The following EPS15 variants were observed in gnomAD, a reference collection of about 807,000 sequenced individuals.
The protein encoded by EPS15 is epidermal growth factor receptor pathway substrate 15, also known as epidermal growth factor receptor substrate 15.
EPS15 carries 72 observed loss-of-function variants against 113.8 expected under a neutral mutation model. That is an observed-to-expected ratio of 0.63 (90% CI 0.52 to 0.77). The LOEUF (loss-of-function observed/expected upper bound fraction) is 0.77. Ranked by LOEUF, EPS15 falls within the 30% of genes least tolerant of loss-of-function variation. The pLI, the probability that EPS15 is intolerant of heterozygous loss-of-function variation, is 0.00. For missense variants in EPS15, 1,048 were observed against 1,045.8 expected (o/e 1.00, Z -0.03); for synonymous variants, 344 against 363.4 (o/e 0.95, Z 0.61).
intron 10 of EPS15, among the ~76,000 whole-genome samples, chr1:51,446,450 A>G (rs1439104167): frequency 2.1e-5 from 3 of 143,644 alleles, no homozygotes; most frequent in Non-Finnish European, 4.5e-5. Context: ...TGACACTGTC[A>G]TTCTTTTTTT....
At chr1:51,370,523 C>T (rs1399044704) in intron 21 of EPS15, among the ~76,000 whole-genome samples, 1 of 151,800 alleles carries the variant, frequency 6.6e-6, no homozygotes, top group African/African-American at 2.4e-5. Context: ...GATGCTCAAC[C>T]CGTATTTGAT....
chr1:51,363,068 T>C (rs778275138), intron 23 of EPS15, among the ~76,000 whole-genome samples: 7 of 151,852 alleles, frequency 4.6e-5, no homozygotes, highest in Admixed American at 2.0e-4. Flanking sequence ...GAGGCCGAGG[T>C]GGACAGATCA....
At position 51,492,095 on chromosome 1, in the gene EPS15, T is replaced by A. The variant is rs1259605919; in HGVS notation, c.34-10781A>T. 3.9e-5 allele frequency among the ~76,000 whole-genome samples: 6 copies of A among 152,048 alleles called. No individual in the cohort carries two copies. In the East Asian group the frequency reaches 1.2e-3, roughly 29 times the overall value. On this transcript the variant is annotated intron_variant, in intron 1 of 24. Coordinates refer to ENST00000371733, the MANE Select transcript of EPS15 (RefSeq NM_001981.3). ...AACTCCTGGATTTAAGTGATCCACC[T>A]GCCTCGGCCTCCCAAAGTGCTGAGA...
chr1:51,518,695 T>TG (rs1329485774), intron 1 of EPS15, among the ~76,000 whole-genome samples: 2 of 151,846 alleles, frequency 1.3e-5, no homozygotes, highest in African/African-American at 2.4e-5. Flanking sequence ...AAGACTGGCT[T>TG]GGGGGGCCTG....
chr1:51,389,696 G>C (rs1647204001), intron 21 of EPS15, among the ~76,000 whole-genome samples: 1 of 152,224 alleles, frequency 6.6e-6, no homozygotes, highest in Non-Finnish European at 1.5e-5. Context: ...GCCAAATCAT[G>C]AGTGAACTCT....
rs1238285070 is a variant in EPS15 at position 51,394,454 on chromosome 1, A to G, written c.2053-7T>C. On this transcript the variant is annotated splice_region_variant and splice_polypyrimidine_tract_variant and intron_variant, in intron 20 of 24. Coordinates refer to ENST00000371733, the MANE Select transcript of EPS15 (RefSeq NM_001981.3). ...TGTGCTTCAACGTTTCTACCTAAACAAAGCATACAAAACCATGAATGAGAG... is the reference window on the plus strand; with the variant it reads ...TGTGCTTCAACGTTTCTACCTAAACGAAGCATACAAAACCATGAATGAGAG... 1.3e-6 allele frequency: 2 copies of G among 1,589,494 alleles called. No homozygotes were observed. Among genetic ancestry groups the G allele is most frequent in the East Asian group, 2.2e-5 (1 of 44,496 alleles).
chr1:51,507,177 A>G (rs1644512601), intron 1 of EPS15, among the ~76,000 whole-genome samples: 3 of 152,246 alleles, frequency 2.0e-5, no homozygotes, highest in South Asian at 4.1e-4. Flanking sequence ...TATAATAAGT[A>G]CCACATATAA....
At chr1:51,516,887 G>A (rs1644728751) in intron 1 of EPS15, among the ~76,000 whole-genome samples, 1 of 152,190 alleles carries the variant, frequency 6.6e-6, no homozygotes, top group African/African-American at 2.4e-5. Context: ...ATGGGAGAAA[G>A]ATGGATTAAA....
At chr1:51,402,317 A>G (rs944020249) in intron 18 of EPS15, 118 bp downstream of exon 18, 1 of 536,210 alleles carries the variant, frequency 1.9e-6, no homozygotes, top group Non-Finnish European at 3.3e-6. Context: ...ACTGCACTCC[A>G]GCCTGGGCGA....
intron 10 of EPS15, among the ~76,000 whole-genome samples, chr1:51,445,890 C>T (rs1436991258): frequency 6.6e-6 from 1 of 152,148 alleles, no homozygotes; most frequent in East Asian, 1.9e-4. Context: ...GAATTAAAGA[C>T]AGGATATATA....
At chr1:51,362,162 TAAC>T (rs1186637528) in intron 23 of EPS15, among the ~76,000 whole-genome samples, 1 of 152,182 alleles carries the variant, frequency 6.6e-6, no homozygotes, top group Non-Finnish European at 1.5e-5. Flanking sequence ...ATAGCAATCA[TAAC>T]AACAGATTCC....
intron 21 of EPS15, among the ~76,000 whole-genome samples, chr1:51,391,045 C>T (rs1330926058): frequency 2.0e-5 from 3 of 151,996 alleles, no homozygotes; most frequent in African/African-American, 7.2e-5. Context: ...TTCACAATAG[C>T]AAAGACTTGG....
rs77738187 is a variant in EPS15 at position 51,464,142 on chromosome 1, G to T, written c.376-344C>A. 4.8e-3 allele frequency among the ~76,000 whole-genome samples: 735 copies of T among 152,128 alleles called. 5 individuals are homozygous for T. The highest frequency in any genetic ancestry group is 0.01 in the Middle Eastern group (3 of 294). On this transcript the variant is annotated intron_variant, in intron 6 of 24. Transcript: ENST00000371733. ...CTAGTCCAACCCTCTCACTTAAATA[G>T]ACCCAGAGCAAAAAAGTAACTTTTA...
At chr1:51,410,654 G>A (rs537233572) in intron 13 of EPS15, among the ~76,000 whole-genome samples, 1 of 152,278 alleles carries the variant, frequency 6.6e-6, no homozygotes, top group South Asian at 2.1e-4. Context: ...GTCAGCAGGA[G>A]GTAGGCAAAG....
intron 9 of EPS15, 101 bp downstream of exon 9, chr1:51,447,945 G>C (rs1557479343): frequency 6.7e-7 from 1 of 1,493,046 alleles, no homozygotes; most frequent in East Asian, 2.3e-5. Context: ...CTGTCTTAAT[G>C]GTGCTTTGGT....
intron 12 of EPS15, among the ~76,000 whole-genome samples, chr1:51,436,263 C>T (rs1325868078): frequency 1.3e-5 from 2 of 152,062 alleles, no homozygotes; most frequent in East Asian, 1.9e-4. Flanking sequence ...TGGGAAGTCA[C>T]TGAGGGATCT....
intron 23 of EPS15, 41 bp from the exon 24 acceptor site, chr1:51,361,396 A>G (rs1464793398): frequency 6.9e-7 from 1 of 1,442,976 alleles, no homozygotes; most frequent in Admixed American, 1.7e-5. Context: ...CAGTAAATAC[A>G]GCAAATACAA....
intron 1 of EPS15, among the ~76,000 whole-genome samples, chr1:51,510,508 G>T (rs543442269): frequency 3.3e-5 from 5 of 152,272 alleles, no homozygotes; most frequent in Non-Finnish European, 5.9e-5. Flanking sequence ...TGTTCTAGAA[G>T]CATCAGTCCT....
intron 13 of EPS15, among the ~76,000 whole-genome samples, chr1:51,412,151 G>A (rs1196771551): frequency 6.6e-6 from 1 of 152,142 alleles, no homozygotes. Flanking sequence ...AGTGGGAGCT[G>A]AACAATGAGA....
Sources: allele counts gnomAD v4.1 joint callset (sites outside exome capture counted in the v4.1 genomes callset), GRCh38; gene constraint gnomAD v4.1.1; transcripts MANE v1.5; gene names NCBI Gene and HGNC (gene_info 2026-07-23, HGNC 2026-07-21).